Variants in LIFR observed in about 807,000 individuals in gnomAD.
The protein encoded by LIFR is LIF receptor subunit alpha, also known as leukemia inhibitory factor receptor.
Under a neutral mutation model 122.2 loss-of-function variants are expected in LIFR, and 84 were observed. The ratio of observed to expected loss-of-function variants is 0.69; its 90% CI spans 0.58 to 0.82. The LOEUF (loss-of-function observed/expected upper bound fraction) is 0.82. Ranked by LOEUF, LIFR falls within the 40% of genes least tolerant of loss-of-function variation. The probability of loss-of-function intolerance (pLI) is 0.00; values close to 1 mark genes in which losing one functional copy is unlikely to be tolerated. For missense variants in LIFR, 1,294 were observed against 1,311.6 expected, an observed-to-expected ratio of 0.99 and a Z score of 0.21; for synonymous variants, 422 against 434.7, an observed-to-expected ratio of 0.97 and a Z score of 0.36.
chr5:38,585,910 C>T (rs1395873140), intron 1 of LIFR, among the ~76,000 whole-genome samples: 3 of 151,952 alleles, frequency 2.0e-5, no homozygotes, highest in African/African-American at 7.3e-5. Context: ...CTTCTTCATC[C>T]ACTCCCCACC....
chr5:38,561,058 G>T (rs906207735), upstream of LIFR, among the ~76,000 whole-genome samples: 3 of 152,194 alleles, frequency 2.0e-5, no homozygotes, highest in African/African-American at 7.2e-5. Context: ...TCATAGCAGT[G>T]AAATAGGGGA....
intron 12 of LIFR, among the ~76,000 whole-genome samples, chr5:38,499,188 A>T (rs1646316681): frequency 6.6e-6 from 1 of 152,204 alleles, no homozygotes; most frequent in Non-Finnish European, 1.5e-5. Flanking sequence ...TAATAGAAAA[A>T]AATATAACAA....
chr5:38,527,174 T>C lies in LIFR; in HGVS notation c.378A>G (p.Thr126=), dbSNP rs1373093424. Residue 126 remains threonine (T), a synonymous_variant, in exon 4 of 20, where the codon ACA becomes ACG. Coordinates refer to ENST00000453190, the MANE Select transcript of LIFR (RefSeq NM_001127671.2). ...ACTTACAAACGTTTTGTTCATTTAG[T>C]GTGAATTTACTTGTAGAACTTCCAA... The part of the protein sequence containing the change: ...HDFGSSTSKF[T]LNEQNVSLIP... 3 of 1,594,550 alleles carry C rather than the reference T, an allele frequency of 1.9e-6. No homozygotes were observed. The highest frequency in any genetic ancestry group is 8.6e-7 in the Non-Finnish European group (1 of 1,164,168).
chr5:38,510,357 AAGAAAC>A (rs2112490696), intron 7 of LIFR, 101 bp downstream of exon 7: 2 of 1,036,640 alleles, frequency 1.9e-6, no homozygotes, highest in Non-Finnish European at 2.9e-6. Flanking sequence ...AGAAATGAGA[AAGAAAC>A]AGAATCACTC....
At chr5:38,568,102 A>G (rs1749088011) in intron 1 of LIFR, among the ~76,000 whole-genome samples, 1 of 152,236 alleles carries the variant, frequency 6.6e-6, no homozygotes, top group South Asian at 2.1e-4. Flanking sequence ...GACCAGGGAT[A>G]TAACAGTGAA....
chr5:38,491,301 C>T (rs3756419), intron 14 of LIFR, among the ~76,000 whole-genome samples: 18,382 of 152,194 alleles, frequency 0.12, 1,438 homozygotes, highest in Non-Finnish European at 0.17. Context: ...CAGACATGCA[C>T]AAAACGTCAA....
chr5:38,485,156 G>C (rs971342557), intron 17 of LIFR, among the ~76,000 whole-genome samples: 1 of 152,122 alleles, frequency 6.6e-6, no homozygotes, highest in African/African-American at 2.4e-5. Flanking sequence ...TGCACTACTG[G>C]AAGTTTAACA....
intron 1 of LIFR, among the ~76,000 whole-genome samples, chr5:38,570,408 A>G (rs1346508360): frequency 6.6e-6 from 1 of 152,232 alleles, no homozygotes; most frequent in Admixed American, 6.5e-5. Context: ...GTTCTTCTGT[A>G]GGAAAATATA....
At chr5:38,540,538 C>G (rs900212315) in intron 1 of LIFR, among the ~76,000 whole-genome samples, 2 of 152,146 alleles carry the variant, frequency 1.3e-5, no homozygotes, top group Non-Finnish European at 2.9e-5. Context: ...CAAACTCAAA[C>G]ATACTCCAAG....
intron 5 of LIFR, among the ~76,000 whole-genome samples, chr5:38,512,331 A>C (rs1183127762): frequency 2.6e-5 from 4 of 152,082 alleles, no homozygotes; most frequent in African/African-American, 9.6e-5. Context: ...AAAAATCTAA[A>C]ATCTGCCTGG....
At chr5:38,576,673 C>T (rs1260806124) in intron 1 of LIFR, among the ~76,000 whole-genome samples, 1 of 152,148 alleles carries the variant, frequency 6.6e-6, no homozygotes, top group East Asian at 1.9e-4. Context: ...AATGTGTTAA[C>T]GTGACATTAG....
intron 1 of LIFR, among the ~76,000 whole-genome samples, chr5:38,584,190 A>G (rs886737252): frequency 3.8e-4 from 58 of 152,294 alleles, no homozygotes; most frequent in African/African-American, 1.3e-3. Flanking sequence ...TGAAAAGTCA[A>G]GAAATAACAA....
In LIFR at chr5:38,504,522, T is replaced by C. The variant is rs533766922; in HGVS notation, c.1292-401A>G. ...ATTAACCACTATGTAAATGTAAGCA[T>C]GGTAAGGTAAGTCTTACAGTGAAGA... On this transcript the variant is annotated intron_variant, in intron 9 of 19. Transcript: ENST00000453190. Among the ~76,000 whole-genome samples the C allele has an allele frequency of 2.5e-4, 38 of 152,196 alleles. 1 individual carries two copies. In the South Asian group the frequency reaches 6.0e-3, roughly 24 times the overall value.
intron 1 of LIFR, among the ~76,000 whole-genome samples, chr5:38,571,335 T>C (rs1299822786): frequency 6.6e-6 from 1 of 152,222 alleles, no homozygotes; most frequent in East Asian, 1.9e-4. Context: ...GCGGATCACT[T>C]GAAGTCAGGA....
chr5:38,505,312 T>A (rs1448565846), intron 9 of LIFR, among the ~76,000 whole-genome samples: 1 of 152,006 alleles, frequency 6.6e-6, no homozygotes, highest in Admixed American at 6.6e-5. Flanking sequence ...AAGGGCAACA[T>A]GAGCAAGTTC....
chr5:38,493,406 G>A lies in LIFR; in HGVS notation c.2065+200C>T, dbSNP rs187911575. 1.0e-3 allele frequency among the ~76,000 whole-genome samples: 158 copies of A among 152,160 alleles called. 1 individual carries two copies. The highest frequency in any genetic ancestry group is 3.6e-3 in the African/African-American group (148 of 41,490). ...TGTGTTGTTCTCTGATTATTTCTAA[G>A]AATAAATTTCTAGACCAGTAATTAC... is the stretch of plus-strand genomic sequence containing the variant. On this transcript the variant is annotated intron_variant, in intron 14 of 19. Coordinates refer to ENST00000453190, the MANE Select transcript of LIFR (RefSeq NM_001127671.2).
At position 38,475,489 on chromosome 5, in the gene LIFR, G is replaced by A. The variant is rs1377374174; in HGVS notation, c.*6106C>T. ...CAAGAAATGAAAAAGGGAACAGTTT[G>A]GGATCCGCAGTTTCTCCCTATCTTC... On this transcript the variant is annotated 3_prime_UTR_variant, in exon 20 of 20. Coordinates refer to ENST00000453190, the MANE Select transcript of LIFR (RefSeq NM_001127671.2). The A allele has an allele frequency of 5.1e-6, 1 of 195,490 alleles. No homozygotes were observed. Among genetic ancestry groups the A allele is most frequent in the Non-Finnish European group, 1.1e-5 (1 of 93,950 alleles). The allele number at this position is 195,490 out of a possible 1,614,324, so 12.1% of individuals were successfully genotyped here. A position where few individuals can be genotyped will look rare whatever the true frequency, so the allele number is the denominator to read the frequency against.
chr5:38,502,554 C>T lies in LIFR; in HGVS notation c.1600+83G>A, dbSNP rs190746117. 3.3e-3 allele frequency: 4,053 copies of T among 1,223,866 alleles called. 114 individuals are homozygous for T. In the Admixed American group the frequency reaches 0.059, roughly 18 times the overall value. 75.8% of individuals were successfully genotyped at this position (1,223,866 alleles called of 1,614,324 possible). A position where few individuals can be genotyped will look rare whatever the true frequency, so the allele number is the denominator to read the frequency against. ...GATTACAGGTGTGACCCACTGCACC[C>T]GGCCAACATCTTCTTTTTAAAGAAG... On this transcript the variant is annotated intron_variant, in intron 11 of 19. Coordinates refer to ENST00000453190, the MANE Select transcript of LIFR (RefSeq NM_001127671.2).
chr5:38,532,869 T>C (rs1259032221), intron 1 of LIFR, among the ~76,000 whole-genome samples: 2 of 152,198 alleles, frequency 1.3e-5, no homozygotes, highest in Non-Finnish European at 2.9e-5. Flanking sequence ...TTCACTTTTT[T>C]CCCCTGTCAA....
Sources: allele counts gnomAD v4.1 joint callset (sites outside exome capture counted in the v4.1 genomes callset), GRCh38; gene constraint gnomAD v4.1.1; transcripts MANE v1.5; gene names NCBI Gene and HGNC (gene_info 2026-07-23, HGNC 2026-07-21).